The following LINGO2 variants were observed in gnomAD, a reference collection of about 807,000 sequenced individuals.
The protein encoded by LINGO2 is leucine rich repeat and Ig domain containing 2, also known as leucine-rich repeat and immunoglobulin-like domain-containing nogo receptor-interacting protein 2.
Under a neutral mutation model 30.6 loss-of-function variants are expected in LINGO2, and 14 were observed. The ratio of observed to expected loss-of-function variants is 0.46; its 90% CI spans 0.30 to 0.72. The LOEUF (loss-of-function observed/expected upper bound fraction) is 0.72, where lower values mean the gene tolerates loss of function less well. Among genes scored for constraint, LINGO2 ranks in the 30% least tolerant of loss-of-function variants. LINGO2 has a pLI of 0.07. For synonymous variants in LINGO2, 317 were observed against 288.5 expected (o/e 1.10, Z -1.00); for missense variants, 729 against 751.7 (o/e 0.97, Z 0.35).
intron 4 of LINGO2, among the ~76,000 whole-genome samples, chr9:28,100,591 A>T (rs377164350): frequency 2.0e-5 from 3 of 152,298 alleles, no homozygotes; most frequent in African/African-American, 7.2e-5. Context: ...GTAGAAGAAG[A>T]CAATTCTAGT....
intron 4 of LINGO2, among the ~76,000 whole-genome samples, chr9:28,058,609 C>A (rs1368571938): frequency 6.6e-6 from 1 of 152,120 alleles, no homozygotes; most frequent in Non-Finnish European, 1.5e-5. Flanking sequence ...GTAAGTTATA[C>A]AAACACCAAT....
chr9:28,863,508 G>T, the LINGO2 span: 3 of 417,602 alleles, frequency 7.2e-6, 1 homozygote, highest in South Asian at 5.1e-5. Context: ...GGATTCTAGA[G>T]TATATTTACC....
chr9:29,130,595 C>T, the LINGO2 span, among the ~76,000 whole-genome samples: 2 of 152,120 alleles, frequency 1.3e-5, no homozygotes, highest in Non-Finnish European at 2.9e-5. Flanking sequence ...CAAAATGCCA[C>T]TTTAAACTAG....
At chr9:28,785,473 C>T in the LINGO2 span, among the ~76,000 whole-genome samples, 6 of 152,132 alleles carry the variant, frequency 3.9e-5, no homozygotes, top group East Asian at 1.9e-4. Context: ...ATACAGAAAT[C>T]GCTTTGCTTA....
At chr9:29,059,615 A>C in the LINGO2 span, among the ~76,000 whole-genome samples, 2 of 151,850 alleles carry the variant, frequency 1.3e-5, no homozygotes, top group African/African-American at 4.8e-5. Context: ...GTATCAAGCT[A>C]ACACAATTTA....
chr9:28,032,542 T>C (rs1045500720), intron 4 of LINGO2, among the ~76,000 whole-genome samples: 4 of 152,226 alleles, frequency 2.6e-5, no homozygotes, highest in African/African-American at 7.2e-5. Flanking sequence ...CTCAGTGCCT[T>C]TGGGCATTCT....
intron 4 of LINGO2, among the ~76,000 whole-genome samples, chr9:28,158,461 T>C (rs111487375): frequency 3.9e-5 from 6 of 152,104 alleles, no homozygotes; most frequent in South Asian, 2.1e-4. Context: ...TTAAAGTTGG[T>C]TGGGGAGTTT....
Position 28,218,778 on chromosome 9 carries a change from G to T in LINGO2, c.-87+76430C>A, listed in dbSNP as rs78481059. Among the ~76,000 whole-genome samples, 236 of 152,206 alleles carry T rather than the reference G, an allele frequency of 1.6e-3. 1 individual carries two copies. The highest frequency in any genetic ancestry group is 5.4e-3 in the African/African-American group (224 of 41,522). ...TAACTGGATTTCTGCCCTGGGCATT[G>T]GGTGAAGGCCATGAGACCCTGATAT... On this transcript the variant is annotated intron_variant, in intron 4 of 5. Transcript: ENST00000379992.
intron 4 of LINGO2, among the ~76,000 whole-genome samples, chr9:28,032,177 A>G (rs1007617627): frequency 2.0e-5 from 3 of 152,064 alleles, no homozygotes; most frequent in Non-Finnish European, 2.9e-5. Flanking sequence ...GGGCATTCAC[A>G]ATTCCACACA....
At chr9:29,189,838 C>G in the LINGO2 span, among the ~76,000 whole-genome samples, 3 of 151,844 alleles carry the variant, frequency 2.0e-5, no homozygotes, top group Non-Finnish European at 4.4e-5. Flanking sequence ...AGCGAAACCC[C>G]GTCTCCACCA....
At chr9:27,967,565 T>C (rs1820158154) in intron 5 of LINGO2, among the ~76,000 whole-genome samples, 1 of 152,160 alleles carries the variant, frequency 6.6e-6, no homozygotes, top group African/African-American at 2.4e-5. Context: ...GAATCTAGTA[T>C]ATATGCCTAG....
At chr9:28,615,408 T>A (rs573267793) in intron 1 of LINGO2, among the ~76,000 whole-genome samples, 2 of 152,300 alleles carry the variant, frequency 1.3e-5, no homozygotes, top group East Asian at 3.9e-4. Flanking sequence ...GAAAAAGGGC[T>A]GCAATATAAG....
At chr9:29,023,667 C>A in the LINGO2 span, among the ~76,000 whole-genome samples, 1 of 151,986 alleles carries the variant, frequency 6.6e-6, no homozygotes, top group African/African-American at 2.4e-5. Flanking sequence ...AAATGAATAA[C>A]TACATTCATT....
chr9:28,075,112 T>C (rs1399276784), intron 4 of LINGO2, among the ~76,000 whole-genome samples: 2 of 152,000 alleles, frequency 1.3e-5, no homozygotes, highest in Non-Finnish European at 2.9e-5. Flanking sequence ...TTCAGAACTT[T>C]TTATCATTCC....
the LINGO2 span, among the ~76,000 whole-genome samples, chr9:28,885,085 T>G: frequency 7.1e-6 from 1 of 140,404 alleles, no homozygotes; most frequent in Non-Finnish European, 1.5e-5. Context: ...CTGCTGGCAC[T>G]GCAGGGTCCC....
chr9:28,054,356 C>T (rs1009888402), intron 4 of LINGO2, among the ~76,000 whole-genome samples: 1 of 152,056 alleles, frequency 6.6e-6, no homozygotes, highest in Admixed American at 6.6e-5. Context: ...AACACTTTTA[C>T]TTAGATGCTA....
chr9:28,769,219 A>G, the LINGO2 span, among the ~76,000 whole-genome samples: 1 of 151,444 alleles, frequency 6.6e-6, no homozygotes, highest in Admixed American at 6.6e-5. Context: ...TCTATAGGCA[A>G]GTATATATTA....
chr9:28,583,835 C>A (rs1824390686), intron 1 of LINGO2, among the ~76,000 whole-genome samples: 1 of 152,042 alleles, frequency 6.6e-6, no homozygotes, highest in South Asian at 2.1e-4. Context: ...ATCCCCAATG[C>A]AGCAGTATCA....
chr9:28,137,422 C>G lies in LINGO2; in HGVS notation c.-86-125017G>C, dbSNP rs183496636. ...TGAACACCTCTACAACAAACCTGCT[C>G]TAGAGAAATTAAAGTAAAGCCAGGC... On this transcript the variant is annotated intron_variant, in intron 4 of 5. Coordinates refer to ENST00000379992, the Ensembl canonical transcript of LINGO2. Among the ~76,000 whole-genome samples, 222 of 152,150 alleles carry G rather than the reference C, an allele frequency of 1.5e-3. 4 individuals carry two copies. The highest frequency in any genetic ancestry group is 5.0e-3 in the African/African-American group (209 of 41,522).
Sources: allele counts gnomAD v4.1 joint callset (sites outside exome capture counted in the v4.1 genomes callset), GRCh38; gene constraint gnomAD v4.1.1; transcripts MANE v1.5; gene names NCBI Gene and HGNC (gene_info 2026-07-23, HGNC 2026-07-21).